The following LAPTM5 variants were observed in gnomAD, a reference collection of about 807,000 sequenced individuals.
LAPTM5 encodes the protein lysosomal-associated transmembrane protein 5.
LAPTM5 carries 11 observed loss-of-function variants against 30.1 expected under a neutral mutation model. The observed-to-expected ratio is 0.37, with a 90% CI of 0.23 to 0.60. LAPTM5 has a LOEUF of 0.60. Among genes scored for constraint, LAPTM5 ranks in the 20% least tolerant of loss-of-function variants. LAPTM5 has a pLI of 0.71. For missense variants in LAPTM5, 324 were observed against 332.5 expected (o/e 0.97, Z 0.20); for synonymous variants, 151 against 137.9 (o/e 1.10, Z -0.67).
intron 1 of LAPTM5, among the ~76,000 whole-genome samples, chr1:30,752,155 G>A (rs1341079712): frequency 2.6e-5 from 4 of 152,198 alleles, no homozygotes; most frequent in Middle Eastern, 3.2e-3. Flanking sequence ...CCATGGGGCA[G>A]GGAAGGAACT....
In LAPTM5 at chr1:30,742,443, C is replaced by G. The variant is rs779112565; in HGVS notation, c.181+13G>C. 5.0e-6 allele frequency: 8 copies of G among 1,604,326 alleles called. No homozygotes were observed. Among genetic ancestry groups the G allele is most frequent in the Non-Finnish European group, 6.8e-6 (8 of 1,173,080 alleles). On this transcript the variant is annotated intron_variant, in intron 2 of 7. Coordinates refer to ENST00000294507, the MANE Select transcript of LAPTM5 (RefSeq NM_006762.3). ...CCTCCCCCCGCCACTCCACCGGCGTCCCCTGGACCTACCGATCCTGAGGTA... is the reference window on the plus strand; with the variant it reads ...CCTCCCCCCGCCACTCCACCGGCGTGCCCTGGACCTACCGATCCTGAGGTA...
At chr1:30,748,462 C>A (rs1640080860) in intron 1 of LAPTM5, among the ~76,000 whole-genome samples, 1 of 152,130 alleles carries the variant, frequency 6.6e-6, no homozygotes, top group East Asian at 1.9e-4. Flanking sequence ...AAGCTCAGTC[C>A]CCTCAACCTC....
chr1:30,755,622 A>C (rs1640198184), intron 1 of LAPTM5, among the ~76,000 whole-genome samples: 1 of 152,132 alleles, frequency 6.6e-6, no homozygotes, highest in Non-Finnish European at 1.5e-5. Context: ...ACCGTATATC[A>C]CACCACCATT....
Position 30,739,026 on chromosome 1 carries a change from G to A in LAPTM5, c.424C>T (p.Leu142=). The A allele has an allele frequency of 6.2e-7, 1 of 1,604,764 alleles. No homozygotes were observed. The highest frequency in any genetic ancestry group is 8.5e-7 in the Non-Finnish European group (1 of 1,175,382). Residue 142 remains leucine, a synonymous_variant, in exon 5 of 8, where the codon CTG becomes TTG. Coordinates refer to ENST00000294507, the MANE Select transcript of LAPTM5 (RefSeq NM_006762.3). This position sits in a 1 kb window ranked among gnomAD's most constrained non-coding sequence, Gnocchi z 4.2. ...GTCAGGATGCTCAGGCAGAAGTCCAGCAGCTGCAGCGTCATCAGGGGGAAC... is the reference window on the plus strand; with the variant it reads ...GTCAGGATGCTCAGGCAGAAGTCCAACAGCTGCAGCGTCATCAGGGGGAAC... ...SKFPLMTLQL[L]DFCLSILTLC... is the part of the protein sequence containing the mutation.
intron 3 of LAPTM5, among the ~76,000 whole-genome samples, chr1:30,740,354 A>G (rs533025975): frequency 2.0e-3 from 310 of 152,184 alleles, no homozygotes; most frequent in Non-Finnish European, 3.4e-3. Context: ...CACTGGAGGC[A>G]GAAAGACCAA....
At position 30,733,415 on chromosome 1, in the gene LAPTM5, A is replaced by G. The variant is rs1569849919; in HGVS notation, c.*413T>C. On this transcript the variant is annotated 3_prime_UTR_variant, in exon 8 of 8. Coordinates refer to ENST00000294507, the MANE Select transcript of LAPTM5 (RefSeq NM_006762.3). Reference sequence around the variant, plus strand: ...CTATGTGAACTGACAACTATTTATAAATCAATGCAATAGACTGTTGTTTGA... The same window carrying G: ...CTATGTGAACTGACAACTATTTATAGATCAATGCAATAGACTGTTGTTTGA... 2 of 745,690 alleles carry G rather than the reference A, an allele frequency of 2.7e-6. No homozygotes were observed. Among genetic ancestry groups the G allele is most frequent in the African/African-American group, 1.8e-5 (1 of 54,130 alleles). The allele number at this position is 745,690 out of a possible 1,614,324, so 46.2% of individuals were successfully genotyped here.
intron 1 of LAPTM5, among the ~76,000 whole-genome samples, chr1:30,744,970 A>C (rs1640022206): frequency 6.6e-6 from 1 of 152,242 alleles, no homozygotes; most frequent in Non-Finnish European, 1.5e-5. Flanking sequence ...ATGATGGAAA[A>C]ATTTAGAAAT....
intron 1 of LAPTM5, among the ~76,000 whole-genome samples, chr1:30,749,837 C>T (rs1366129556): frequency 6.6e-6 from 1 of 152,180 alleles, no homozygotes; most frequent in African/African-American, 2.4e-5. Context: ...TGTGATTTGG[C>T]GTCATCCATG....
intron 3 of LAPTM5, 132 bp from the exon 4 acceptor site, chr1:30,740,069 C>T: frequency 2.0e-6 from 2 of 1,021,780 alleles, no homozygotes; most frequent in Non-Finnish European, 1.3e-6. Context: ...TTGAGGTCAC[C>T]TCCCTCTGAG....
At chr1:30,747,666 G>A (rs1640067835) in intron 1 of LAPTM5, among the ~76,000 whole-genome samples, 1 of 152,188 alleles carries the variant, frequency 6.6e-6, no homozygotes. Context: ...GCAAGCAACA[G>A]GTTGAGCTAA....
intron 1 of LAPTM5, among the ~76,000 whole-genome samples, chr1:30,743,458 C>A (rs759057891): frequency 6.6e-6 from 1 of 152,170 alleles, no homozygotes; most frequent in Non-Finnish European, 1.5e-5. Flanking sequence ...TTTTAAAGAA[C>A]CTTGGAGGTC....
In LAPTM5 at chr1:30,733,355, G is replaced by C; in HGVS notation, c.*473C>G. The C allele has an allele frequency of 3.1e-6, 1 of 327,588 alleles. No homozygotes were observed. Among genetic ancestry groups the C allele is most frequent in the Non-Finnish European group, 5.6e-6 (1 of 179,190 alleles). The allele number at this position is 327,588 out of a possible 1,614,324, so 20.3% of individuals were successfully genotyped here. A position where few individuals can be genotyped will look rare whatever the true frequency, so the allele number is the denominator to read the frequency against. ...AATTGATTACATATATTTATATATAGGGGGTAACTAATTAATGATTACTTG... is the reference window on the plus strand; with the variant it reads ...AATTGATTACATATATTTATATATACGGGGTAACTAATTAATGATTACTTG... On this transcript the variant is annotated 3_prime_UTR_variant, in exon 8 of 8. Transcript: ENST00000294507.
Position 30,757,739 on chromosome 1 carries a change from G to A in LAPTM5, c.7C>T (p.Pro3Ser). The A allele has an allele frequency of 1.2e-6, 2 of 1,613,514 alleles. No homozygotes were observed. The highest frequency in any genetic ancestry group is 1.1e-5 in the South Asian group (1 of 91,054). MDPRLSTVRQTCC... is the reference protein window; with the variant it reads MDSRLSTVRQTCC... ...GTCTGGCGGACAGTGGACAAGCGGG[G>A]GTCCATGGTGCTGCCGTCCCCTCCT... Residue 3 changes from proline to serine, a missense_variant, in exon 1 of 8, where the codon CCC becomes TCC. Pro to Ser is a moderately conservative substitution (Grantham distance 74). Coordinates refer to ENST00000294507, the MANE Select transcript of LAPTM5 (RefSeq NM_006762.3).
At chr1:30,749,857 C>T (rs1029756376) in intron 1 of LAPTM5, among the ~76,000 whole-genome samples, 8 of 152,156 alleles carry the variant, frequency 5.3e-5, no homozygotes, top group South Asian at 4.1e-4. Context: ...GTGCTGAATA[C>T]GCAGCAGGCC....
At chr1:30,753,237 C>G (rs777888487) in intron 1 of LAPTM5, among the ~76,000 whole-genome samples, 1 of 152,080 alleles carries the variant, frequency 6.6e-6, no homozygotes, top group African/African-American at 2.4e-5. Flanking sequence ...ACAGACAAAT[C>G]TCCTTGAGAA....
chr1:30,740,779 A>G (rs551547847), intron 3 of LAPTM5, among the ~76,000 whole-genome samples: 2 of 152,306 alleles, frequency 1.3e-5, no homozygotes, highest in Admixed American at 1.3e-4. Flanking sequence ...CGGCCTCCCC[A>G]GGCAGCATGG....
chr1:30,739,743 C>G lies in LAPTM5; in HGVS notation c.387+66G>C, dbSNP rs1639940286. ...CTGAGCACAGGGCCCGTGTCTGGTC[C>G]CCTCCCATCTCCCATGCCAGACCTG... is the stretch of plus-strand genomic sequence containing the variant. On this transcript the variant is annotated intron_variant, in intron 4 of 7. Coordinates refer to ENST00000294507, the MANE Select transcript of LAPTM5 (RefSeq NM_006762.3). The surrounding 1 kb of genome is among the most constrained non-coding windows in gnomAD (Gnocchi z 4.2). The G allele has an allele frequency of 6.7e-7, 1 of 1,497,016 alleles. No homozygotes were observed. The highest frequency in any genetic ancestry group is 2.5e-5 in the East Asian group (1 of 40,256). The allele number at this position is 1,497,016 out of a possible 1,614,324, so 92.7% of individuals were successfully genotyped here.
chr1:30,756,091 T>C (rs1250132383), intron 1 of LAPTM5, among the ~76,000 whole-genome samples: 1 of 152,186 alleles, frequency 6.6e-6, no homozygotes, highest in Non-Finnish European at 1.5e-5. Context: ...TCTGAGCCCA[T>C]ACAGCCAGTT....
intron 1 of LAPTM5, among the ~76,000 whole-genome samples, chr1:30,753,759 T>A (rs1383331266): frequency 3.9e-5 from 6 of 152,174 alleles, no homozygotes; most frequent in African/African-American, 2.4e-5. Flanking sequence ...GGTGAAGCAC[T>A]GACTTTAATA....
Sources: gnomAD v4.1 joint callset for allele counts (sites outside exome capture counted in the v4.1 genomes callset) on GRCh38, gnomAD v4.1.1 for gene constraint, Gnocchi (gnomAD v3.1) non-coding constraint, MANE v1.5 for transcripts, NCBI Gene and HGNC (gene_info 2026-07-23, HGNC 2026-07-21) for gene names.